The following SLC9A9 variants were observed in gnomAD, a reference collection of about 807,000 sequenced individuals.
SLC9A9 encodes sodium/hydrogen exchanger 9.
Under a neutral mutation model 77.8 loss-of-function variants are expected in SLC9A9, and 62 were observed. The observed-to-expected ratio is 0.80, with a 90% CI of 0.65 to 0.98. The LOEUF is 0.98. Among genes scored for constraint, SLC9A9 ranks in the 50% least tolerant of loss-of-function variants. The probability of loss-of-function intolerance (pLI) is 0.00; values close to 1 mark genes in which losing one functional copy is unlikely to be tolerated. For synonymous variants in SLC9A9, 320 were observed against 283.5 expected, an observed-to-expected ratio of 1.13 and a Z score of -1.29; for missense variants, 775 against 774.9, an observed-to-expected ratio of 1.00 and a Z score of 0.00.
intron 14 of SLC9A9, among the ~76,000 whole-genome samples, chr3:143,355,343 T>C (rs2032558820): frequency 6.6e-6 from 1 of 152,188 alleles, no homozygotes; most frequent in African/African-American, 2.4e-5. Flanking sequence ...TGGCTATCAG[T>C]AGGTATAAAT....
At chr3:143,352,612 A>C (rs2032488942) in intron 14 of SLC9A9, among the ~76,000 whole-genome samples, 1 of 134,260 alleles carries the variant, frequency 7.4e-6, no homozygotes, top group African/African-American at 3.7e-5. Flanking sequence ...ATTCTAGTAG[A>C]CTCTGGCCCT....
At chr3:143,814,867 T>C in intron 2 of SLC9A9, among the ~76,000 whole-genome samples, 1 of 152,108 alleles carries the variant, frequency 6.6e-6, no homozygotes, top group Non-Finnish European at 1.5e-5. Flanking sequence ...CTGACTGCCT[T>C]ACACCAAGAA....
chr3:143,334,146 A>G (rs1446529227), intron 14 of SLC9A9, among the ~76,000 whole-genome samples: 1 of 152,248 alleles, frequency 6.6e-6, no homozygotes, highest in African/African-American at 2.4e-5. Flanking sequence ...TGAAAATCCA[A>G]AATCCAATTT....
At chr3:143,762,256 G>A (rs1238921593) in intron 4 of SLC9A9, among the ~76,000 whole-genome samples, 1 of 152,060 alleles carries the variant, frequency 6.6e-6, no homozygotes, top group Non-Finnish European at 1.5e-5. Flanking sequence ...CGAGTTAATG[G>A]GTGCAGCACA....
rs538262912 is a variant in SLC9A9, at chr3:143,581,715, G to A, written c.756-2992C>T. On this transcript the variant is annotated intron_variant, in intron 6 of 15. Coordinates refer to ENST00000316549, the MANE Select transcript of SLC9A9 (RefSeq NM_173653.4). ...CAGGATAGTTGAGTGACAGTGTGAT[G>A]CTAACTATAAGGACAACAGGAGTTC... Among the ~76,000 whole-genome samples the A allele has an allele frequency of 3.9e-5, 6 of 152,344 alleles. 1 individual carries two copies. The South Asian group carries it at 1.2e-3, about 32-fold the overall frequency.
Position 143,321,557 on chromosome 3 carries a change from CT to C in SLC9A9, c.1604+41926del, listed in dbSNP as rs2031420657. On this transcript the variant is annotated intron_variant, in intron 14 of 15. Coordinates refer to ENST00000316549, the MANE Select transcript of SLC9A9 (RefSeq NM_173653.4). ...GCCTTTCATTTTGAGGCTTTGTGTTCTACTTTGTGTGGTCTGTATTCTGTTT... is the reference window on the plus strand; with the variant it reads ...GCCTTTCATTTTGAGGCTTTGTGTTCACTTTGTGTGGTCTGTATTCTGTTT... 2.6e-5 allele frequency among the ~76,000 whole-genome samples: 4 copies of C among 152,234 alleles called. No individual in the cohort carries two copies. In the South Asian group the frequency reaches 8.3e-4, roughly 32 times the overall value.
chr3:143,826,983 C>G (rs1384024793), intron 2 of SLC9A9, among the ~76,000 whole-genome samples: 5 of 152,186 alleles, frequency 3.3e-5, no homozygotes. Context: ...TACTACTAAA[C>G]TCCTTGGGAC....
intron 11 of SLC9A9, among the ~76,000 whole-genome samples, chr3:143,488,422 A>T (rs1388439590): frequency 6.6e-6 from 1 of 152,036 alleles, no homozygotes; most frequent in Non-Finnish European, 1.5e-5. Flanking sequence ...CATTACTCTG[A>T]TATCAAAGTC....
At chr3:143,469,694 G>C (rs2035344625) in intron 11 of SLC9A9, among the ~76,000 whole-genome samples, 1 of 152,170 alleles carries the variant, frequency 6.6e-6, no homozygotes, top group Non-Finnish European at 1.5e-5. Context: ...GATTCGACTA[G>C]AGAGACTTAA....
intron 9 of SLC9A9, among the ~76,000 whole-genome samples, chr3:143,524,140 G>T (rs2036363729): frequency 6.6e-6 from 1 of 150,684 alleles, no homozygotes; most frequent in African/African-American, 2.4e-5. Flanking sequence ...TTTGAAGAAT[G>T]CTCCTATTAT....
Position 143,325,178 on chromosome 3 carries a change from T to C in SLC9A9, c.1604+38306A>G, listed in dbSNP as rs558379953. 3.9e-5 allele frequency among the ~76,000 whole-genome samples: 6 copies of C among 152,268 alleles called. No individual in the cohort carries two copies. The South Asian group carries it at 1.2e-3, about 32-fold the overall frequency. On this transcript the variant is annotated intron_variant, in intron 14 of 15. Transcript: ENST00000316549. ...GTGGCCCTCCTTGAATTTGTCTTTA[T>C]TGGCTGTGTCACCATGTCACTTACC...
At chr3:143,784,693 G>A (rs564726183) in intron 4 of SLC9A9, among the ~76,000 whole-genome samples, 2 of 151,984 alleles carry the variant, frequency 1.3e-5, no homozygotes, top group African/African-American at 4.8e-5. Context: ...TTCTTACCTT[G>A]ATATCTCTGA....
intron 12 of SLC9A9, among the ~76,000 whole-genome samples, chr3:143,448,484 A>T (rs573389023): frequency 1.3e-5 from 2 of 152,158 alleles, no homozygotes; most frequent in Non-Finnish European, 2.9e-5. Flanking sequence ...GAATCAGGAC[A>T]AAGTTTTAGA....
rs1297285047 is a variant in SLC9A9 at position 143,265,693 on chromosome 3, G to T, written c.*1009C>A. On this transcript the variant is annotated 3_prime_UTR_variant, in exon 16 of 16. Transcript: ENST00000316549. ...GCAGGCCATGAGCCACGCCTTGTAA[G>T]GGGGAGACCTGAGGCCCTGTCCTTG... The T allele has an allele frequency of 4.9e-6, 2 of 410,744 alleles. No individual in the cohort carries two copies. Among genetic ancestry groups the T allele is most frequent in the African/African-American group, 2.0e-5 (1 of 49,012 alleles). The allele number at this position is 410,744 out of a possible 1,614,324, so 25.4% of individuals were successfully genotyped here. A position where few individuals can be genotyped will look rare whatever the true frequency, so the allele number is the denominator to read the frequency against.
chr3:143,350,306 T>C (rs964683951), intron 14 of SLC9A9, among the ~76,000 whole-genome samples: 1 of 152,206 alleles, frequency 6.6e-6, no homozygotes, highest in African/African-American at 2.4e-5. Context: ...ACTACCATAA[T>C]TGAGGCCCCC....
chr3:143,641,544 C>A (rs1176722837), intron 6 of SLC9A9, among the ~76,000 whole-genome samples: 1 of 151,892 alleles, frequency 6.6e-6, no homozygotes, highest in South Asian at 2.1e-4. Flanking sequence ...CAGGTGCCTG[C>A]CACCATGCCC....
chr3:143,448,266 A>G (rs1437063646), intron 12 of SLC9A9, among the ~76,000 whole-genome samples: 1 of 152,154 alleles, frequency 6.6e-6, no homozygotes, highest in Non-Finnish European at 1.5e-5. Context: ...GGCTCCAAGA[A>G]AAGAATGTGA....
intron 12 of SLC9A9, among the ~76,000 whole-genome samples, chr3:143,455,524 T>C (rs2035075680): frequency 6.6e-6 from 1 of 152,216 alleles, no homozygotes; most frequent in South Asian, 2.1e-4. Context: ...GTCTTAACTA[T>C]ATTTAGTCTT....
At chr3:143,513,995 G>A (rs541874131) in intron 9 of SLC9A9, among the ~76,000 whole-genome samples, 14 of 151,306 alleles carry the variant, frequency 9.3e-5, no homozygotes, top group East Asian at 7.7e-4. Context: ...TCCCTCCCCC[G>A]TCCCCCTACC....
Sources: gnomAD v4.1 joint callset for allele counts (sites outside exome capture counted in the v4.1 genomes callset) on GRCh38, gnomAD v4.1.1 for gene constraint, MANE v1.5 for transcripts, NCBI Gene and HGNC (gene_info 2026-07-23, HGNC 2026-07-21) for gene names.